The following ARHGAP24 variants were observed in gnomAD, a reference collection of about 807,000 sequenced individuals.
ARHGAP24 encodes the protein Rho GTPase activating protein 24.
A neutral mutation model predicts 76.4 loss-of-function variants in ARHGAP24; 50 were observed. The ratio of observed to expected loss-of-function variants is 0.65; its 90% CI spans 0.52 to 0.83. The LOEUF (loss-of-function observed/expected upper bound fraction) is 0.83. Among genes scored for constraint, ARHGAP24 ranks in the 40% least tolerant of loss-of-function variants. The pLI is 0.00. For missense variants in ARHGAP24, 930 were observed against 914.2 expected (o/e 1.02, Z -0.22); for synonymous variants, 345 against 323.3 (o/e 1.07, Z -0.72).
chr4:85,477,364 T>G (rs991507844), intron 1 of ARHGAP24, among the ~76,000 whole-genome samples: 2 of 152,180 alleles, frequency 1.3e-5, no homozygotes, highest in African/African-American at 2.4e-5. Context: ...TCTGAACTAT[T>G]TTGAAAATAT....
intron 2 of ARHGAP24, among the ~76,000 whole-genome samples, chr4:85,616,419 A>G (rs1182160692): frequency 6.6e-6 from 1 of 152,060 alleles, no homozygotes; most frequent in Admixed American, 6.6e-5. Flanking sequence ...TGATCTTATG[A>G]CTCTCTTATT....
intron 3 of ARHGAP24, among the ~76,000 whole-genome samples, chr4:85,786,387 T>C (rs941515090): frequency 6.6e-6 from 1 of 152,220 alleles, no homozygotes; most frequent in Non-Finnish European, 1.5e-5. Flanking sequence ...CTTTCATTCA[T>C]AGGAGCTACT....
At chr4:85,784,370 G>GT (rs1727709484) in intron 3 of ARHGAP24, among the ~76,000 whole-genome samples, 1 of 151,624 alleles carries the variant, frequency 6.6e-6, no homozygotes, top group African/African-American at 2.4e-5. Flanking sequence ...CAGTGTCTGT[G>GT]TTTATTTTGT....
In ARHGAP24 at chr4:85,887,359, A is replaced by G. The variant is rs7674538; in HGVS notation, c.269-36289A>G. On this transcript the variant is annotated intron_variant, in intron 3 of 9. Coordinates refer to ENST00000395184, the MANE Select transcript of ARHGAP24 (RefSeq NM_001025616.3). ...AAGGTTAATTAATTATATTTAAAAT[A>G]TGTCTATTAAGAATTATTAATCAAA... Among the ~76,000 whole-genome samples the G allele has an allele frequency of 9.5e-3, 1,444 of 152,256 alleles. 17 individuals carry two copies. The highest frequency in any genetic ancestry group is 0.033 in the African/African-American group (1,356 of 41,576).
intron 3 of ARHGAP24, among the ~76,000 whole-genome samples, chr4:85,797,430 C>G (rs1386621083): frequency 6.6e-6 from 1 of 152,168 alleles, no homozygotes; most frequent in Non-Finnish European, 1.5e-5. Flanking sequence ...GCCTCGGCCT[C>G]CCAAAGTGCT....
intron 3 of ARHGAP24, among the ~76,000 whole-genome samples, chr4:85,736,671 A>T (rs1376506117): frequency 6.6e-6 from 1 of 152,206 alleles, no homozygotes; most frequent in Non-Finnish European, 1.5e-5. Flanking sequence ...TATTGAAGCA[A>T]TCGAGTACTT....
chr4:85,691,886 T>A (rs1723675064), intron 2 of ARHGAP24, among the ~76,000 whole-genome samples: 1 of 152,182 alleles, frequency 6.6e-6, no homozygotes, highest in Middle Eastern at 3.2e-3. Flanking sequence ...CACCATGTTG[T>A]TAGCTGGTTG....
intron 2 of ARHGAP24, among the ~76,000 whole-genome samples, chr4:85,688,729 A>G (rs1442347705): frequency 6.6e-6 from 1 of 151,834 alleles, no homozygotes; most frequent in Non-Finnish European, 1.5e-5. Context: ...TTAAATCTTT[A>G]ATCTATTTTG....
intron 1 of ARHGAP24, among the ~76,000 whole-genome samples, chr4:85,481,632 C>G (rs748455118): frequency 6.6e-6 from 1 of 152,206 alleles, no homozygotes; most frequent in African/African-American, 2.4e-5. Context: ...GAGAAGTGAA[C>G]AGGAAAGGTG....
intron 2 of ARHGAP24, among the ~76,000 whole-genome samples, chr4:85,625,533 A>G (rs1720913676): frequency 6.6e-6 from 1 of 152,144 alleles, no homozygotes; most frequent in African/African-American, 2.4e-5. Flanking sequence ...TGGAGCTGAA[A>G]AGAATGTATA....
Position 85,753,619 on chromosome 4 carries a change from A to G in ARHGAP24, c.268+31647A>G, listed in dbSNP as rs78739361. 2.6e-5 allele frequency among the ~76,000 whole-genome samples: 4 copies of G among 152,198 alleles called. No individual in the cohort carries two copies. In the East Asian group the frequency reaches 5.8e-4, roughly 22 times the overall value. ...CATATGAGTCTTTACGCACTGGTTA[A>G]TGGCTTCCTCAAATCCTTGTCTGTT... On this transcript the variant is annotated intron_variant, in intron 3 of 9. Transcript: ENST00000395184.
chr4:85,894,987 AACAAAACAAAAAGC>A (rs1560701678), intron 3 of ARHGAP24, among the ~76,000 whole-genome samples: 3 of 13,622 alleles, frequency 2.2e-4, no homozygotes, highest in African/African-American at 3.1e-4. Context: ...AAAAAAAAAA[AACAAAACAAAAAGC>A]AAAAAAAAAA....
chr4:85,731,036 A>C (rs1725385201), intron 3 of ARHGAP24, among the ~76,000 whole-genome samples: 1 of 151,194 alleles, frequency 6.6e-6, no homozygotes, highest in African/African-American at 2.4e-5. Flanking sequence ...ACAGAGAGAG[A>C]GACTGGGCAT....
intron 2 of ARHGAP24, among the ~76,000 whole-genome samples, chr4:85,712,024 T>C (rs1296821278): frequency 1.3e-5 from 2 of 152,314 alleles, no homozygotes; most frequent in Non-Finnish European, 2.9e-5. Context: ...CCCTATTCTT[T>C]TTCTTTTTAT....
intron 3 of ARHGAP24, among the ~76,000 whole-genome samples, chr4:85,814,903 G>A (rs1238170550): frequency 1.3e-5 from 2 of 152,220 alleles, no homozygotes; most frequent in African/African-American, 4.8e-5. Flanking sequence ...CCTTCTGCCT[G>A]AGCATCCAGG....
rs570856175 is a variant in ARHGAP24 at position 85,962,173 on chromosome 4, G to A, written c.600-9863G>A. Among the ~76,000 whole-genome samples the A allele has an allele frequency of 7.9e-5, 12 of 152,112 alleles. No individual in the cohort carries two copies. In the South Asian group the frequency reaches 1.0e-3, roughly 13 times the overall value. ...AGGGCTGTGTGATGAAGTCTCAGGC[G>A]TACATTAATACATTTACTAATAATG... On this transcript the variant is annotated intron_variant, in intron 5 of 9. Transcript: ENST00000395184.
At chr4:85,570,441 TTC>T in intron 1 of ARHGAP24, 79 bp from the exon 2 acceptor site, 2 of 848,598 alleles carry the variant, frequency 2.4e-6, no homozygotes, top group South Asian at 1.8e-5. Flanking sequence ...CTTTTTTTTT[TTC>T]TGGAGAAGAG....
At chr4:85,879,012 A>G (rs944231953) in intron 3 of ARHGAP24, among the ~76,000 whole-genome samples, 2 of 152,226 alleles carry the variant, frequency 1.3e-5, no homozygotes, top group African/African-American at 4.8e-5. Flanking sequence ...AAACATTTCA[A>G]TGACTGTGGA....
chr4:85,643,298 CT>C (rs1186722770), intron 2 of ARHGAP24, among the ~76,000 whole-genome samples: 4 of 60,278 alleles, frequency 6.6e-5, no homozygotes, highest in Admixed American at 3.5e-4. Flanking sequence ...GTCGCCCAGG[CT>C]GGACTGCGGA....
Sources: allele counts gnomAD v4.1 joint callset (sites outside exome capture counted in the v4.1 genomes callset), GRCh38; gene constraint gnomAD v4.1.1; transcripts MANE v1.5; gene names NCBI Gene and HGNC (gene_info 2026-07-23, HGNC 2026-07-21).